The following EML6 variants were observed in gnomAD, a reference collection of about 807,000 sequenced individuals.
EML6 encodes the protein echinoderm microtubule-associated protein-like 6.
In EML6, 154 loss-of-function variants were observed where a neutral mutation model predicts 240.1. That is an observed-to-expected ratio of 0.64 (90% CI 0.56 to 0.73). EML6 has a LOEUF of 0.73. Among genes scored for constraint, EML6 ranks in the 30% least tolerant of loss-of-function variants. EML6 has a pLI of 0.00. For synonymous variants in EML6, 1,148 were observed against 899.0 expected, an observed-to-expected ratio of 1.28 and a Z score of -4.95; for missense variants, 2,964 against 2,474.6, an observed-to-expected ratio of 1.20 and a Z score of -4.20.
At chr2:54,924,468 TTCTTCAA>T (rs1381653937) in intron 26 of EML6, among the ~76,000 whole-genome samples, 1 of 152,234 alleles carries the variant, frequency 6.6e-6, no homozygotes, top group Non-Finnish European at 1.5e-5. Flanking sequence ...AGTTCTCTAT[TTCTTCAA>T]TCAGATTGAA....
Position 54,895,318 on chromosome 2 carries a change from G to T in EML6, c.2900G>T (p.Gly967Val). 1.3e-6 allele frequency: 2 copies of T among 1,551,864 alleles called. No homozygotes were observed. Among genetic ancestry groups the T allele is most frequent in the East Asian group, 2.4e-5 (1 of 40,924 alleles). The change falls in exon 21 of 42, where the codon GGA (glycine) becomes GTA (valine). Residue 967 changes from glycine (G) to valine (V), a missense_variant. Gly to Val is a moderately radical substitution (Grantham distance 109). Transcript: ENST00000356458. ...DNPSIRAITLGHGHILVGTKN... is the reference protein window; with the variant it reads ...DNPSIRAITLVHGHILVGTKN... ...CCTTCAATTCGTGCCATCACTTTGG[G>T]ACATGGACATATCCTGGTGGGAACA...
chr2:54,726,460 G>A (rs1221671762), intron 2 of EML6, among the ~76,000 whole-genome samples: 3 of 150,122 alleles, frequency 2.0e-5, no homozygotes, highest in Non-Finnish European at 4.4e-5. Context: ...TTTTTTCTGA[G>A]ACCTAAAGTT....
chr2:54,797,805 G>C (rs1309806372), intron 2 of EML6, among the ~76,000 whole-genome samples: 2 of 152,082 alleles, frequency 1.3e-5, no homozygotes, highest in Non-Finnish European at 2.9e-5. Flanking sequence ...ATGTAATCTT[G>C]GGCAAGTTAC....
intron 16 of EML6, among the ~76,000 whole-genome samples, chr2:54,875,850 G>A (rs1671479166): frequency 6.6e-6 from 1 of 152,134 alleles, no homozygotes; most frequent in Non-Finnish European, 1.5e-5. Context: ...GTCAACCACA[G>A]AAGTATTTTC....
intron 2 of EML6, among the ~76,000 whole-genome samples, chr2:54,811,684 G>C (rs1006336114): frequency 6.6e-6 from 1 of 152,198 alleles, no homozygotes; most frequent in Non-Finnish European, 1.5e-5. Context: ...TTTATCAACA[G>C]GGTTTTCAAA....
intron 26 of EML6, among the ~76,000 whole-genome samples, chr2:54,923,367 G>GCGCACACACACACA (rs1200496290): frequency 9.7e-5 from 14 of 144,462 alleles, no homozygotes; most frequent in African/African-American, 2.1e-4. Flanking sequence ...CTCACCAAAC[G>GCGCACACACACACA]CACACACACA....
At chr2:54,764,505 T>C (rs986960265) in intron 2 of EML6, among the ~76,000 whole-genome samples, 1 of 152,230 alleles carries the variant, frequency 6.6e-6, no homozygotes, top group Non-Finnish European at 1.5e-5. Flanking sequence ...TAACTTTAAA[T>C]TGCACTTGTC....
intron 2 of EML6, among the ~76,000 whole-genome samples, chr2:54,733,750 G>A (rs1186255320): frequency 6.6e-6 from 1 of 152,088 alleles, no homozygotes; most frequent in Non-Finnish European, 1.5e-5. Flanking sequence ...AAATTCCCAG[G>A]AAAGAGAATC....
chr2:54,772,981 C>T (rs936707234), intron 2 of EML6, among the ~76,000 whole-genome samples: 4 of 152,194 alleles, frequency 2.6e-5, no homozygotes, highest in Non-Finnish European at 4.4e-5. Context: ...GTTGGTTAGG[C>T]CCAGGGTAGG....
rs1668281239 is a variant in EML6, at chr2:54,820,459, A to G, written c.522A>G (p.Ile174Met). The G allele has an allele frequency of 6.5e-7, 1 of 1,539,364 alleles. No homozygotes were observed. ...NRVVSCGVKHIKFWTLCGNAL... is the reference protein window; with the variant it reads ...NRVVSCGVKHMKFWTLCGNAL... ...TGGTTAGCTGTGGAGTAAAACACAT[A>G]AAGGTAAAGCTTTTTGTTTTTTAAT... The change falls in exon 5 of 42, where the codon ATA becomes ATG. Residue 174 changes from isoleucine to methionine, a missense_variant. Transcript: ENST00000356458.
chr2:54,789,595 G>A (rs936606282), intron 2 of EML6, among the ~76,000 whole-genome samples: 2 of 150,158 alleles, frequency 1.3e-5, no homozygotes, highest in African/African-American at 4.9e-5. Flanking sequence ...GACGTAACTG[G>A]CCCACCTGAT....
At chr2:54,804,378 C>G (rs1247053109) in intron 2 of EML6, among the ~76,000 whole-genome samples, 1 of 152,238 alleles carries the variant, frequency 6.6e-6, no homozygotes, top group Non-Finnish European at 1.5e-5. Flanking sequence ...ATAGACCTCT[C>G]TCATTAGTGA....
chr2:54,758,244 T>C (rs1034350159), intron 2 of EML6, among the ~76,000 whole-genome samples: 2 of 152,188 alleles, frequency 1.3e-5, no homozygotes, highest in Non-Finnish European at 2.9e-5. Context: ...AAAGAAGGGA[T>C]GCTAATTGTC....
chr2:54,872,425 G>T (rs1411187587), intron 16 of EML6, among the ~76,000 whole-genome samples: 2 of 151,974 alleles, frequency 1.3e-5, no homozygotes, highest in Non-Finnish European at 2.9e-5. Flanking sequence ...AAGCCTGATT[G>T]TTCTCCCCTG....
intron 2 of EML6, among the ~76,000 whole-genome samples, chr2:54,806,612 CAAAAAAAAAAAAAAAAAAAAAAA>C (rs58185994): frequency 1.9e-5 from 1 of 52,822 alleles, no homozygotes; most frequent in African/African-American, 7.6e-5. Flanking sequence ...ACTCCGTCTC[CAAAAAAAAAAAAAAAAAAAAAAA>C]AAAAAAAAAG....
At chr2:54,867,932 T>C (rs574004430) in intron 14 of EML6, 1 of 152,326 alleles carries the variant, frequency 6.6e-6, no homozygotes, top group African/African-American at 2.4e-5. Context: ...AAAAAAATTT[T>C]TCTGTGGTCC....
At chr2:54,828,204 C>T (rs1668691599) in intron 6 of EML6, among the ~76,000 whole-genome samples, 1 of 152,150 alleles carries the variant, frequency 6.6e-6, no homozygotes, top group Non-Finnish European at 1.5e-5. Context: ...GATAGATTTT[C>T]CTCATTCTTT....
intron 26 of EML6, 127 bp from the exon 27 acceptor site, chr2:54,928,186 C>A: frequency 1.3e-6 from 1 of 763,072 alleles, no homozygotes; most frequent in African/African-American, 1.7e-5. Flanking sequence ...AGCTTACATT[C>A]TAGTTGAAAT....
intron 24 of EML6, among the ~76,000 whole-genome samples, chr2:54,909,825 T>A (rs902674819): frequency 8.1e-6 from 1 of 123,338 alleles, no homozygotes; most frequent in Non-Finnish European, 1.6e-5. Flanking sequence ...CACTCCAGCA[T>A]GGGTGACAGA....
Sources: allele counts gnomAD v4.1 joint callset (sites outside exome capture counted in the v4.1 genomes callset), GRCh38; gene constraint gnomAD v4.1.1; transcripts MANE v1.5; gene names NCBI Gene and HGNC (gene_info 2026-07-23, HGNC 2026-07-21).